The following CNRIP1 variants were observed in gnomAD, a reference collection of about 807,000 sequenced individuals.
CNRIP1 encodes cannabinoid receptor interacting protein 1, also known as CB1 cannabinoid receptor-interacting protein 1.
CNRIP1 carries 10 observed loss-of-function variants against 15.2 expected under a neutral mutation model. The ratio of observed to expected loss-of-function variants is 0.66; its 90% CI spans 0.41 to 1.12. The LOEUF (loss-of-function observed/expected upper bound fraction) is 1.12. Ranked by LOEUF, CNRIP1 falls within the 50% of genes most tolerant of loss-of-function variation. The pLI, the probability that CNRIP1 is intolerant of heterozygous loss-of-function variation, is 0.00. For missense variants in CNRIP1, 211 were observed against 214.7 expected, an observed-to-expected ratio of 0.98 and a Z score of 0.11; for synonymous variants, 91 against 83.2, an observed-to-expected ratio of 1.09 and a Z score of -0.51.
Position 68,319,228 on chromosome 2 carries a change from T to C in CNRIP1, c.173A>G (p.Gln58Arg). 6.5e-7 allele frequency: 1 copy of C among 1,545,842 alleles called. No individual in the cohort carries two copies. The highest frequency in any genetic ancestry group is 8.7e-7 in the Non-Finnish European group (1 of 1,144,488). Residue 58 changes from glutamine (Q) to arginine (R), a missense_variant, in exon 1 of 3, where the codon CAG (glutamine) becomes CGG (arginine). Gln to Arg is a conservative substitution (Grantham distance 43, BLOSUM62 1). Transcript: ENST00000263655. ...VEVKIKPSTL[Q>R]VENISIGGVL... ...CCAGGCGCCCCGCACTCACTCGACC[T>C]GCAGCGTGCTGGGTTTAATCTTCAC...
At chr2:68,309,692 T>TG (rs151171563) in intron 2 of CNRIP1, among the ~76,000 whole-genome samples, 4,366 of 152,184 alleles carry the variant, frequency 0.029, 85 homozygotes, top group Admixed American at 0.049. Context: ...CCCTATCTGT[T>TG]GGAAGTGGCA....
Position 68,284,415 on chromosome 2 carries a change from T to C in CNRIP1, c.*13A>G, listed in dbSNP as rs1170799841. ...CATTTGTTCCTCATGATGGCACACATTGAAGAATGTGCTTATTCTTCACAT... is the reference window on the plus strand; with the variant it reads ...CATTTGTTCCTCATGATGGCACACACTGAAGAATGTGCTTATTCTTCACAT... On this transcript the variant is annotated 3_prime_UTR_variant, in exon 3 of 3. Transcript: ENST00000409559. The C allele has an allele frequency of 4.7e-6, 7 of 1,488,944 alleles. No individual in the cohort carries two copies. The East Asian group carries it at 1.8e-4, about 38-fold the overall frequency. 92.2% of individuals were successfully genotyped at this position (1,488,944 alleles called of 1,614,324 possible). A position where few individuals can be genotyped will look rare whatever the true frequency, so the allele number is the denominator to read the frequency against.
intron 2 of CNRIP1, among the ~76,000 whole-genome samples, chr2:68,315,118 G>A (rs1230027246): frequency 6.6e-6 from 1 of 151,950 alleles, no homozygotes; most frequent in Non-Finnish European, 1.5e-5. Flanking sequence ...CTCAAGATGT[G>A]ATAAAAATGA....
At position 68,318,738 on chromosome 2, in the gene CNRIP1, G is replaced by A. The variant is rs184360642; in HGVS notation, c.179+484C>T. Among the ~76,000 whole-genome samples the A allele has an allele frequency of 3.9e-4, 60 of 152,330 alleles. No individual in the cohort carries two copies. In the East Asian group the frequency reaches 9.9e-3, roughly 25 times the overall value. On this transcript the variant is annotated intron_variant, in intron 1 of 2. Transcript: ENST00000263655. ...GGGGAGCATCCCTCAGGGAGCCCCAGTAATCACCCCTCCCCTGCCTTTCCA... is the reference window on the plus strand; with the variant it reads ...GGGGAGCATCCCTCAGGGAGCCCCAATAATCACCCCTCCCCTGCCTTTCCA...
In CNRIP1 at chr2:68,313,711, T is replaced by C. The variant is rs554861692; in HGVS notation, c.330+3446A>G. Among the ~76,000 whole-genome samples, 8 of 152,266 alleles carry C rather than the reference T, an allele frequency of 5.3e-5. No homozygotes were observed. The East Asian group carries it at 1.3e-3, about 26-fold the overall frequency. Reference sequence around the variant, plus strand: ...TGTTCTGTTATCTTTATTGGGGTGGTGATTATATAGTAGCATCTACTTGTC... The same window carrying C: ...TGTTCTGTTATCTTTATTGGGGTGGCGATTATATAGTAGCATCTACTTGTC... On this transcript the variant is annotated intron_variant, in intron 2 of 2. Coordinates refer to ENST00000263655, the MANE Select transcript of CNRIP1 (RefSeq NM_015463.3).
chr2:68,294,135 G>T, intron 2 of CNRIP1, 109 bp from the exon 3 acceptor site: 1 of 1,162,712 alleles, frequency 8.6e-7, no homozygotes, highest in Non-Finnish European at 1.2e-6. Context: ...ACCCAGTCCA[G>T]ATTCTCTTGG....
At chr2:68,298,441 A>T (rs1671469137) in intron 2 of CNRIP1, among the ~76,000 whole-genome samples, 1 of 152,148 alleles carries the variant, frequency 6.6e-6, no homozygotes. Flanking sequence ...TTGAAATAAA[A>T]GTTGGTTATA....
intron 2 of CNRIP1, among the ~76,000 whole-genome samples, chr2:68,309,967 G>A (rs1213841279): frequency 6.6e-6 from 1 of 152,134 alleles, no homozygotes; most frequent in Non-Finnish European, 1.5e-5. Flanking sequence ...ATGTATGTAT[G>A]TATGTATGTA....
At chr2:68,298,501 G>A (rs1671470710) in intron 2 of CNRIP1, among the ~76,000 whole-genome samples, 1 of 152,006 alleles carries the variant, frequency 6.6e-6, no homozygotes, top group Admixed American at 6.6e-5. Context: ...AAAAACGTAA[G>A]GCTTATGTCT....
At chr2:68,289,914 C>T (rs894122275), downstream of CNRIP1, among the ~76,000 whole-genome samples, 3 of 151,662 alleles carry the variant, frequency 2.0e-5, no homozygotes, top group Non-Finnish European at 4.4e-5. Flanking sequence ...CTCCATTTTC[C>T]AAATGAGAAA....
intron 2 of CNRIP1, among the ~76,000 whole-genome samples, chr2:68,298,323 T>C (rs1443435370): frequency 7.2e-5 from 11 of 152,144 alleles, no homozygotes; most frequent in Non-Finnish European, 1.6e-4. Flanking sequence ...ATATAAACTT[T>C]ATACTAAAAA....
intron 2 of CNRIP1, among the ~76,000 whole-genome samples, chr2:68,301,848 C>T (rs993098990): frequency 1.4e-5 from 2 of 145,122 alleles, no homozygotes; most frequent in Non-Finnish European, 3.0e-5. Context: ...GCCGAGTTTG[C>T]GCCACTGCAC....
intron 2 of CNRIP1, among the ~76,000 whole-genome samples, chr2:68,315,713 T>C (rs1351079197): frequency 2.0e-5 from 3 of 152,170 alleles, no homozygotes; most frequent in Non-Finnish European, 2.9e-5. Context: ...CTTACTCTTG[T>C]CACCGAGGCT....
Position 68,317,177 on chromosome 2 carries a change from G to A in CNRIP1, c.310C>T (p.Pro104Ser). Reference protein sequence around the residue: ...VTPTKSGERQPIQITMPFTDI... With the variant: ...VTPTKSGERQSIQITMPFTDI... ...CTTACCGGCATGGTGATCTGGATGG[G>A]TTGCCGTTCTCCACTCTTCGTTGGG... The change falls in exon 2 of 3, where the codon CCC (proline) becomes TCC (serine). Residue 104 changes from proline to serine, a missense_variant. Transcript: ENST00000263655. 1.9e-6 allele frequency: 3 copies of A among 1,614,108 alleles called. No individual in the cohort carries two copies. Among genetic ancestry groups the A allele is most frequent in the Non-Finnish European group, 2.5e-6 (3 of 1,180,026 alleles).
chr2:68,289,686 G>A (rs1215304336), downstream of CNRIP1, among the ~76,000 whole-genome samples: 1 of 152,074 alleles, frequency 6.6e-6, no homozygotes, highest in Non-Finnish European at 1.5e-5. Context: ...TGGCCATGTT[G>A]CCTAGGCTGG....
At chr2:68,295,905 G>A (rs1410688888) in intron 2 of CNRIP1, among the ~76,000 whole-genome samples, 1 of 152,144 alleles carries the variant, frequency 6.6e-6, no homozygotes, top group African/African-American at 2.4e-5. Flanking sequence ...ATACCTCAAA[G>A]TTAAGAAAAA....
At chr2:68,311,206 G>A (rs961052289) in intron 2 of CNRIP1, among the ~76,000 whole-genome samples, 1 of 151,974 alleles carries the variant, frequency 6.6e-6, no homozygotes, top group African/African-American at 2.4e-5. Context: ...TCCCCAAGGG[G>A]GGAAAAACCA....
intron 1 of CNRIP1, among the ~76,000 whole-genome samples, chr2:68,318,460 T>C (rs1346611102): frequency 6.6e-6 from 1 of 152,146 alleles, no homozygotes; most frequent in Non-Finnish European, 1.5e-5. Flanking sequence ...CCGCCAGAGG[T>C]CTACTGGGTG....
At chr2:68,287,671 G>A (rs1311487221) in intron 2 of CNRIP1, among the ~76,000 whole-genome samples, 1 of 152,186 alleles carries the variant, frequency 6.6e-6, no homozygotes, top group Non-Finnish European at 1.5e-5. Flanking sequence ...CAGACTGTTG[G>A]ATAATTTCAG....
Sources: allele counts gnomAD v4.1 joint callset (sites outside exome capture counted in the v4.1 genomes callset), GRCh38; gene constraint gnomAD v4.1.1; transcripts MANE v1.5; gene names NCBI Gene and HGNC (gene_info 2026-07-23, HGNC 2026-07-21).